RHAG: variants seen among roughly 807,000 people sequenced by gnomAD.
RHAG encodes Rh associated glycoprotein, also known as ammonium transporter Rh type A.
Under a neutral mutation model 42.4 loss-of-function variants are expected in RHAG, and 25 were observed. The observed-to-expected ratio is 0.59, with a 90% CI of 0.43 to 0.82. The LOEUF (loss-of-function observed/expected upper bound fraction) is 0.82, where lower values mean the gene tolerates loss of function less well. RHAG is among the 40% of genes least tolerant of loss of function. RHAG has a pLI of 0.00. For synonymous variants in RHAG, 182 were observed against 177.7 expected, an observed-to-expected ratio of 1.02 and a Z score of -0.19; for missense variants, 483 against 504.6, an observed-to-expected ratio of 0.96 and a Z score of 0.41.
At chr6:49,621,076 C>T (rs1581945096) in intron 1 of RHAG, among the ~76,000 whole-genome samples, 2 of 152,270 alleles carry the variant, frequency 1.3e-5, no homozygotes, top group African/African-American at 2.4e-5. Context: ...CACACAGAGA[C>T]GTTACTGCTT....
intron 1 of RHAG, among the ~76,000 whole-genome samples, chr6:49,629,319 G>A (rs991582941): frequency 3.3e-5 from 5 of 152,046 alleles, no homozygotes; most frequent in Admixed American, 3.3e-4. Context: ...TAGATACAGA[G>A]TGTCCATTGG....
intron 1 of RHAG, among the ~76,000 whole-genome samples, chr6:49,619,824 T>C (rs1421075136): frequency 1.3e-5 from 2 of 152,222 alleles, no homozygotes; most frequent in African/African-American, 4.8e-5. Flanking sequence ...CACACTGTAA[T>C]AGTCAATAAG....
At chr6:49,617,779 A>G (rs1762678028) in intron 3 of RHAG, among the ~76,000 whole-genome samples, 1 of 152,210 alleles carries the variant, frequency 6.6e-6, no homozygotes, top group Admixed American at 6.5e-5. Context: ...CTGGAGGTGA[A>G]TTCAGACTCT....
At chr6:49,634,074 C>A (rs1367222615) in intron 1 of RHAG, among the ~76,000 whole-genome samples, 2 of 152,076 alleles carry the variant, frequency 1.3e-5, no homozygotes, top group African/African-American at 2.4e-5. Flanking sequence ...ATAAGCAAAT[C>A]ATGTTATTCA....
chr6:49,635,181 G>C (rs542309308), intron 1 of RHAG, among the ~76,000 whole-genome samples: 1 of 151,172 alleles, frequency 6.6e-6, no homozygotes, highest in Admixed American at 6.7e-5. Context: ...CTTCAACCTG[G>C]TGTTGATCTC....
intron 4 of RHAG, chr6:49,615,202 G>A (rs1003463994): frequency 1.2e-4 from 36 of 292,750 alleles, no homozygotes; most frequent in Non-Finnish European, 2.1e-4. Flanking sequence ...CACCCGCCTC[G>A]GCCTCCCAAA....
At chr6:49,610,968 AGT>A (rs1164164221) in intron 7 of RHAG, 54 bp downstream of exon 7, 1 of 1,608,086 alleles carries the variant, frequency 6.2e-7, no homozygotes, top group African/African-American at 1.3e-5. Context: ...CATTTCTCAG[AGT>A]GAGAGAAAAC....
Position 49,611,112 on chromosome 6 carries a change from T to A in RHAG, c.979A>T (p.Thr327Ser), listed in dbSNP as rs146698504. 2 of 1,613,614 alleles carry A rather than the reference T, an allele frequency of 1.2e-6. No homozygotes were observed. Among genetic ancestry groups the A allele is most frequent in the Non-Finnish European group, 1.7e-6 (2 of 1,179,782 alleles). The change falls in exon 7 of 10, where the codon ACA (threonine) becomes TCA (serine). Residue 327 changes from threonine (T) to serine (S), a missense_variant. Thr to Ser is a moderately conservative substitution (Grantham distance 58). Transcript: ENST00000371175. ...LFTTKLRIHD[T>S]CGVHNLHGLP... ...CCGTGGAGGTTATGGACCCCACATG[T>A]ATCATGGATCCTCAGTTTAGTAGTA...
chr6:49,619,146 T>C, intron 2 of RHAG, 33 bp downstream of exon 2: 1 of 1,609,082 alleles, frequency 6.2e-7, no homozygotes, highest in South Asian at 1.1e-5. Context: ...TTCTGGAGGA[T>C]GCAAACATTC....
intron 1 of RHAG, among the ~76,000 whole-genome samples, chr6:49,632,944 TGGA>T: frequency 6.6e-6 from 1 of 152,252 alleles, no homozygotes; most frequent in South Asian, 2.1e-4. Flanking sequence ...CCAAAAACCA[TGGA>T]GTATAGCTAG....
chr6:49,629,729 G>A (rs977215915), intron 1 of RHAG, among the ~76,000 whole-genome samples: 8 of 152,330 alleles, frequency 5.3e-5, no homozygotes, highest in African/African-American at 7.2e-5. Context: ...GAAATCGAGC[G>A]CAGCGCAGGT....
chr6:49,609,405 T>C (rs1275156384), intron 7 of RHAG, among the ~76,000 whole-genome samples: 3 of 152,244 alleles, frequency 2.0e-5, no homozygotes, highest in Admixed American at 2.0e-4. Context: ...GTGAAACTGT[T>C]CTAGGCATGA....
At chr6:49,614,967 A>G in intron 4 of RHAG, 114 bp from the exon 5 acceptor site, 1 of 1,029,466 alleles carries the variant, frequency 9.7e-7, no homozygotes, top group Non-Finnish European at 1.4e-6. Flanking sequence ...TTTATTTTTG[A>G]GATGGAGTGT....
intron 2 of RHAG, 131 bp downstream of exon 2, chr6:49,619,048 A>G (rs879200892): frequency 1.0e-6 from 1 of 984,820 alleles, no homozygotes; most frequent in Non-Finnish European, 1.6e-6. Flanking sequence ...TCCCATTCAT[A>G]AACACTCTGC....
In RHAG at chr6:49,607,190, A is replaced by T. The variant is rs778148386; in HGVS notation, c.1098T>A (p.Gly366=). The T allele has an allele frequency of 6.2e-7, 1 of 1,613,806 alleles. No individual in the cohort carries two copies. The highest frequency in any genetic ancestry group is 2.2e-5 in the East Asian group (1 of 44,866). ...CAACAACTGCTGTTCCGATAGAGGA[A>T]CCCAGTGCAGCTGCCTGCATGGCCA... ...TSMAMQAAAL[G]SSIGTAVVGG... The change falls in exon 8 of 10, where the codon GGT becomes GGA. Residue 366 remains glycine, a synonymous_variant. Coordinates refer to ENST00000371175, the MANE Select transcript of RHAG (RefSeq NM_000324.3).
chr6:49,630,693 A>G (rs985406364), intron 1 of RHAG, among the ~76,000 whole-genome samples: 3 of 152,314 alleles, frequency 2.0e-5, no homozygotes, highest in African/African-American at 7.2e-5. Flanking sequence ...ATATTTTCAC[A>G]CTTGCTTTCT....
intron 7 of RHAG, 77 bp from the exon 8 acceptor site, chr6:49,607,297 G>C (rs1581935245): frequency 1.8e-6 from 2 of 1,094,242 alleles, no homozygotes; most frequent in South Asian, 1.3e-5. Context: ...TGAGGGTGTG[G>C]ATGACTGCCA....
intron 1 of RHAG, among the ~76,000 whole-genome samples, chr6:49,634,189 G>A (rs996454190): frequency 2.6e-5 from 4 of 151,960 alleles, no homozygotes; most frequent in African/African-American, 9.7e-5. Context: ...GCTAACTACA[G>A]TCACCTTACT....
intron 1 of RHAG, among the ~76,000 whole-genome samples, chr6:49,635,100 G>T (rs1762990787): frequency 6.7e-6 from 1 of 150,260 alleles, no homozygotes; most frequent in South Asian, 2.1e-4. Flanking sequence ...TCATTATGTT[G>T]CACACTAGAT....
Sources: gnomAD v4.1 joint callset for allele counts (sites outside exome capture counted in the v4.1 genomes callset) on GRCh38, gnomAD v4.1.1 for gene constraint, MANE v1.5 for transcripts, NCBI Gene and HGNC (gene_info 2026-07-23, HGNC 2026-07-21) for gene names.